CPNE4: variants seen among roughly 807,000 people sequenced by gnomAD.
CPNE4 encodes copine 4, also known as copine-4.
A neutral mutation model predicts 67.9 loss-of-function variants in CPNE4; 25 were observed. The observed-to-expected ratio is 0.37, with a 90% CI of 0.27 to 0.51. CPNE4 has a LOEUF of 0.51. Ranked by LOEUF, CPNE4 falls within the 20% of genes least tolerant of loss-of-function variation. The pLI is 0.93. For synonymous variants in CPNE4, 242 were observed against 244.9 expected (o/e 0.99, Z 0.11); for missense variants, 464 against 690.8 (o/e 0.67, Z 3.68).
chr3:132,006,882 T>G (rs1443572322), intron 1 of CPNE4, among the ~76,000 whole-genome samples: 3 of 152,166 alleles, frequency 2.0e-5, no homozygotes, highest in Non-Finnish European at 2.9e-5. Context: ...TCTCATTTGC[T>G]GCTGATTCAA....
intron 7 of CPNE4, among the ~76,000 whole-genome samples, chr3:131,593,983 G>T (rs1034334322): frequency 2.0e-5 from 3 of 152,132 alleles, no homozygotes; most frequent in Non-Finnish European, 2.9e-5. Flanking sequence ...CTCCTAAAGT[G>T]CTGGGATTAC....
intron 1 of CPNE4, among the ~76,000 whole-genome samples, chr3:131,935,700 G>A (rs1323526455): frequency 6.6e-6 from 1 of 152,102 alleles, no homozygotes; most frequent in Non-Finnish European, 1.5e-5. Context: ...TGGTAATGTG[G>A]CTTTGAGAAA....
At chr3:131,708,971 T>TATATATATATATATATATATAC (rs2081488374) in intron 3 of CPNE4, among the ~76,000 whole-genome samples, 2 of 89,282 alleles carry the variant, frequency 2.2e-5, no homozygotes, top group Non-Finnish European at 4.5e-5. Context: ...TATATATATA[T>TATATATATATATATATATATAC]ATATATATAT....
intron 2 of CPNE4, among the ~76,000 whole-genome samples, chr3:131,877,218 C>G (rs550295056): frequency 1.3e-5 from 2 of 152,078 alleles, no homozygotes; most frequent in Non-Finnish European, 2.9e-5. Context: ...GGATTCCAGA[C>G]ATGGATGATA....
chr3:131,889,577 T>G (rs2088023964), intron 2 of CPNE4, among the ~76,000 whole-genome samples: 1 of 152,268 alleles, frequency 6.6e-6, no homozygotes, highest in South Asian at 2.1e-4. Flanking sequence ...ATTTTTCTTC[T>G]TATGCCACTT....
At chr3:131,932,782 C>T (rs746930913) in intron 1 of CPNE4, among the ~76,000 whole-genome samples, 1 of 151,944 alleles carries the variant, frequency 6.6e-6, no homozygotes, top group Admixed American at 6.6e-5. Context: ...CACTGGGAGG[C>T]CAAGGCAGGC....
intron 6 of CPNE4, among the ~76,000 whole-genome samples, chr3:131,685,094 C>G (rs1021873997): frequency 1.3e-5 from 2 of 152,102 alleles, no homozygotes; most frequent in Non-Finnish European, 2.9e-5. Context: ...TCAATTGAAA[C>G]CTGAGTTCCA....
chr3:131,690,909 T>G (rs2081018966), intron 5 of CPNE4, among the ~76,000 whole-genome samples: 1 of 152,108 alleles, frequency 6.6e-6, no homozygotes, highest in South Asian at 2.1e-4. Flanking sequence ...GAGCAGACAC[T>G]TCTCAAAAGA....
chr3:131,802,257 C>T (rs1405426028), intron 2 of CPNE4, among the ~76,000 whole-genome samples: 2 of 152,156 alleles, frequency 1.3e-5, no homozygotes, highest in East Asian at 1.9e-4. Flanking sequence ...TCTTATGTCA[C>T]TGTTCTGCGG....
chr3:131,603,314 T>C (rs967698436), intron 7 of CPNE4, among the ~76,000 whole-genome samples: 3 of 152,122 alleles, frequency 2.0e-5, no homozygotes, highest in Non-Finnish European at 4.4e-5. Flanking sequence ...TATATAAATC[T>C]TACAGTCTAG....
intron 11 of CPNE4, among the ~76,000 whole-genome samples, chr3:131,560,937 G>T (rs1266165830): frequency 6.6e-6 from 1 of 151,970 alleles, no homozygotes; most frequent in Non-Finnish European, 1.5e-5. Context: ...CTGGTGTAGA[G>T]TGGACAAGGT....
chr3:131,995,897 T>G (rs1034433064), intron 1 of CPNE4, among the ~76,000 whole-genome samples: 12 of 152,168 alleles, frequency 7.9e-5, no homozygotes, highest in African/African-American at 2.9e-4. Context: ...GCTCCGAACT[T>G]GCAGTATTTC....
rs575390810 is a variant in CPNE4 at position 131,589,954 on chromosome 3, G to T, written c.682-2372C>A. ...ACACAGAGGTGGGACCAAGACATGAGAATTGAGAAGAAATTAGGGTGGGTT... is the reference window on the plus strand; with the variant it reads ...ACACAGAGGTGGGACCAAGACATGATAATTGAGAAGAAATTAGGGTGGGTT... On this transcript the variant is annotated intron_variant, in intron 7 of 15. Coordinates refer to ENST00000429747, the MANE Select transcript of CPNE4 (RefSeq NM_130808.3). 1.3e-3 allele frequency among the ~76,000 whole-genome samples: 194 copies of T among 152,310 alleles called. 1 individual carries two copies. Among genetic ancestry groups the T allele is most frequent in the African/African-American group, 4.5e-3 (188 of 41,586 alleles).
intron 14 of CPNE4, among the ~76,000 whole-genome samples, chr3:131,544,406 G>C (rs754296380): frequency 5.3e-5 from 8 of 152,152 alleles, no homozygotes; most frequent in Non-Finnish European, 7.4e-5. Flanking sequence ...ACTTCACACT[G>C]TGATGAAGAT....
intron 1 of CPNE4, among the ~76,000 whole-genome samples, chr3:131,979,767 A>G (rs1446199794): frequency 6.6e-6 from 1 of 150,706 alleles, no homozygotes; most frequent in Non-Finnish European, 1.5e-5. Context: ...TTCCTTTTTA[A>G]CTTGTATTTT....
At chr3:131,771,913 T>C (rs2083176375) in intron 2 of CPNE4, among the ~76,000 whole-genome samples, 1 of 152,120 alleles carries the variant, frequency 6.6e-6, no homozygotes, top group Non-Finnish European at 1.5e-5. Context: ...GTTTGTTTGT[T>C]TGAGCACACA....
intron 7 of CPNE4, among the ~76,000 whole-genome samples, chr3:131,662,047 A>G (rs2080140150): frequency 6.6e-6 from 1 of 152,118 alleles, no homozygotes; most frequent in Admixed American, 6.6e-5. Flanking sequence ...TTTCCTTTCC[A>G]AGCAGTAAGA....
chr3:131,637,534 T>A (rs940587448), intron 7 of CPNE4, among the ~76,000 whole-genome samples: 5 of 152,110 alleles, frequency 3.3e-5, no homozygotes, highest in African/African-American at 1.2e-4. Flanking sequence ...TCCAATAAGT[T>A]TGGGACTATG....
chr3:131,726,621 G>A (rs1429113743), intron 2 of CPNE4, among the ~76,000 whole-genome samples: 1 of 148,840 alleles, frequency 6.7e-6, no homozygotes, highest in Non-Finnish European at 1.5e-5. Context: ...ACAGGGCCTA[G>A]GATTGTTCAT....
Sources: gnomAD v4.1 joint callset for allele counts (sites outside exome capture counted in the v4.1 genomes callset) on GRCh38, gnomAD v4.1.1 for gene constraint, MANE v1.5 for transcripts, NCBI Gene and HGNC (gene_info 2026-07-23, HGNC 2026-07-21) for gene names.